The following CDR2 variants were observed in gnomAD, a reference collection of about 807,000 sequenced individuals.
CDR2 encodes cerebellar degeneration-related protein 2.
CDR2 carries 34 observed loss-of-function variants against 48.4 expected under a neutral mutation model. That is an observed-to-expected ratio of 0.70 (90% CI 0.53 to 0.94). The LOEUF (loss-of-function observed/expected upper bound fraction) is 0.94. CDR2 is among the 40% of genes least tolerant of loss of function. The pLI is 0.00. For missense variants in CDR2, 498 were observed against 549.5 expected, an observed-to-expected ratio of 0.91 and a Z score of 0.94; for synonymous variants, 240 against 219.7, an observed-to-expected ratio of 1.09 and a Z score of -0.82.
At chr16:22,353,901 T>C in intron 2 of CDR2, among the ~76,000 whole-genome samples, 1 of 152,132 alleles carries the variant, frequency 6.6e-6, no homozygotes, top group Non-Finnish European at 1.5e-5. Flanking sequence ...TAAGCACTCA[T>C]GAAGGTTGAG....
chr16:22,371,878 G>A (rs1287604798), intron 1 of CDR2, among the ~76,000 whole-genome samples: 2 of 142,164 alleles, frequency 1.4e-5, no homozygotes, highest in African/African-American at 5.4e-5. Context: ...GTGTGTGTGT[G>A]TGTGTGTTTT....
At chr16:22,363,865 T>C (rs945384495) in intron 2 of CDR2, among the ~76,000 whole-genome samples, 2 of 152,220 alleles carry the variant, frequency 1.3e-5, no homozygotes, top group Non-Finnish European at 2.9e-5. Flanking sequence ...ATTAGCAGCA[T>C]AGAGGGCCAT....
intron 2 of CDR2, among the ~76,000 whole-genome samples, chr16:22,354,855 T>C (rs369808767): frequency 1.9e-4 from 29 of 152,072 alleles, no homozygotes; most frequent in East Asian, 7.7e-4. Context: ...GATCACACCA[T>C]TGCACTCCAG....
chr16:22,373,686 C>T (rs992705676), intron 1 of CDR2, among the ~76,000 whole-genome samples: 1 of 152,236 alleles, frequency 6.6e-6, no homozygotes, highest in African/African-American at 2.4e-5. Context: ...TCTCATGTAC[C>T]CCACAAATAT....
At position 22,365,016 on chromosome 16, in the gene CDR2, T is replaced by C. The variant is rs777420830; in HGVS notation, c.80-2A>G. ...CAAGCTCAGCAGCAAGTTGAAGATC[T>C]AGCACAACAAATGAATCTTAGAATA... On this transcript the variant is annotated splice_acceptor_variant, in intron 1 of 4. Transcript: ENST00000268383. LOFTEE classifies it high-confidence loss of function. The C allele has an allele frequency of 1.3e-6, 2 of 1,569,074 alleles. No homozygotes were observed. The highest frequency in any genetic ancestry group is 1.8e-6 in the Non-Finnish European group (2 of 1,139,076).
At position 22,364,970 on chromosome 16, in the gene CDR2, TC is replaced by T; in HGVS notation, c.123del (p.Asn42ThrfsTer25). Reference sequence around the variant, plus strand: ...TGAACAGAGTCCTCCAACTCTGTGTTCCGATCCAGTAATGTCTTCCCAAGCT... The same window carrying T: ...TGAACAGAGTCCTCCAACTCTGTGTTCGATCCAGTAATGTCTTCCCAAGCT... The part of the protein sequence containing the change: ...AAELGKTLLD[R>X]NTELEDSVQQ... On this transcript the variant is annotated frameshift_variant, in exon 2 of 5. Transcript: ENST00000268383. LOFTEE classifies it high-confidence loss of function. 1 of 1,613,810 alleles carries T rather than the reference TC, an allele frequency of 6.2e-7. No individual in the cohort carries two copies. Among genetic ancestry groups the T allele is most frequent in the South Asian group, 1.1e-5 (1 of 91,084 alleles).
At chr16:22,357,940 T>TAAA (rs1160734251) in intron 2 of CDR2, among the ~76,000 whole-genome samples, 1 of 152,238 alleles carries the variant, frequency 6.6e-6, no homozygotes, top group Non-Finnish European at 1.5e-5. Context: ...TCAAGGAGCT[T>TAAA]GTTTTCACAT....
At chr16:22,370,120 T>C (rs1308042857) in intron 1 of CDR2, among the ~76,000 whole-genome samples, 5 of 152,246 alleles carry the variant, frequency 3.3e-5, no homozygotes, top group African/African-American at 1.2e-4. Flanking sequence ...TACTCAGCTC[T>C]ATGCTTTAGG....
chr16:22,371,451 C>T (rs2049075281), intron 1 of CDR2, among the ~76,000 whole-genome samples: 1 of 152,202 alleles, frequency 6.6e-6, no homozygotes, highest in African/African-American at 2.4e-5. Context: ...CCAGGCTTCT[C>T]TAGTGAACAG....
chr16:22,366,981 G>C (rs749065485), intron 1 of CDR2: 1 of 152,306 alleles, frequency 6.6e-6, no homozygotes, highest in South Asian at 2.1e-4. Flanking sequence ...AAGATAAAGC[G>C]GGGGAGAAAA....
chr16:22,369,648 A>G (rs1214547452), intron 1 of CDR2, among the ~76,000 whole-genome samples: 2 of 151,172 alleles, frequency 1.3e-5, no homozygotes, highest in Non-Finnish European at 3.0e-5. Flanking sequence ...GTCACACTGT[A>G]TAACAGGATA....
chr16:22,354,094 A>C (rs964295096), intron 2 of CDR2, among the ~76,000 whole-genome samples: 1 of 152,232 alleles, frequency 6.6e-6, no homozygotes, highest in Non-Finnish European at 1.5e-5. Context: ...ACCTGGAAGA[A>C]GATTTATTAA....
rs1413204685 is a variant in CDR2 at position 22,347,697 on chromosome 16, C to A, written c.633G>T (p.Leu211=). ...TVTMLQAQLS[L]ERQKRVTMEE... is the part of the protein sequence containing the mutation. ...CCATAGTCACCCGCTTCTGCCGCTC[C>A]AGGCTCAGCTGGGCCTGCAACATTG... The change falls in exon 5 of 5, where the codon CTG becomes CTT. Residue 211 remains leucine (L), a synonymous_variant. Coordinates refer to ENST00000268383, the MANE Select transcript of CDR2 (RefSeq NM_001802.2). The A allele has an allele frequency of 6.2e-7, 1 of 1,614,144 alleles. No homozygotes were observed. Among genetic ancestry groups the A allele is most frequent in the Non-Finnish European group, 8.5e-7 (1 of 1,180,036 alleles).
rs1335254345 is a variant in CDR2, at chr16:22,374,302, G to A, written c.8C>T (p.Ala3Val). The A allele has an allele frequency of 5.0e-6, 8 of 1,598,196 alleles. No homozygotes were observed. Among genetic ancestry groups the A allele is most frequent in the Non-Finnish European group, 6.8e-6 (8 of 1,172,890 alleles). ...CTCAAACTCCTCTACCAGGTTTTCC[G>A]CCAGCATCTCGGCTGGGTCTTCTAG... is the stretch of plus-strand genomic sequence containing the variant. ML[A>V]ENLVEEFEMK... The change falls in exon 1 of 5, where the codon GCG (alanine) becomes GTG (valine). Residue 3 changes from alanine (A) to valine (V), a missense_variant. By Grantham distance (64) the Ala-to-Val change is moderately conservative (BLOSUM62 0). Coordinates refer to ENST00000268383, the MANE Select transcript of CDR2 (RefSeq NM_001802.2).
chr16:22,349,383 C>T lies in CDR2; in HGVS notation c.402G>A (p.Glu134=). 1 of 1,614,158 alleles carries T rather than the reference C, an allele frequency of 6.2e-7. No homozygotes were observed. Among genetic ancestry groups the T allele is most frequent in the Non-Finnish European group, 8.5e-7 (1 of 1,180,028 alleles). ...TNIDHLQSQV[E]ELKSSGQGRR... ...TCCCTTGGCCAGATGACTTCAGCTC[C>T]TCCACTTGGCTCTGGAGGTGATCAA... The change falls in exon 4 of 5, where the codon GAG becomes GAA. Residue 134 remains glutamate, a synonymous_variant. Transcript: ENST00000268383.
chr16:22,372,771 T>G (rs535833068), intron 1 of CDR2, among the ~76,000 whole-genome samples: 29 of 152,328 alleles, frequency 1.9e-4, no homozygotes, highest in Middle Eastern at 3.4e-3. Flanking sequence ...TGAATTACTT[T>G]GGTTAAAGTG....
At chr16:22,368,653 T>C (rs1283759741) in intron 1 of CDR2, among the ~76,000 whole-genome samples, 2 of 152,242 alleles carry the variant, frequency 1.3e-5, no homozygotes, top group Non-Finnish European at 2.9e-5. Flanking sequence ...CAGAAACTCT[T>C]AGGTCAACAG....
In CDR2 at chr16:22,347,694, C is replaced by T; in HGVS notation, c.636G>A (p.Glu212=). Residue 212 remains glutamate, a synonymous_variant, in exon 5 of 5, where the codon GAG becomes GAA. Coordinates refer to ENST00000268383, the MANE Select transcript of CDR2 (RefSeq NM_001802.2). ...VTMLQAQLSL[E]RQKRVTMEEE... The stretch of plus-strand genomic sequence containing the variant: ...CCTCCATAGTCACCCGCTTCTGCCG[C>T]TCCAGGCTCAGCTGGGCCTGCAACA... 6.2e-7 allele frequency: 1 copy of T among 1,614,182 alleles called. No individual in the cohort carries two copies. The highest frequency in any genetic ancestry group is 1.1e-5 in the South Asian group (1 of 91,082).
At position 22,347,023 on chromosome 16, in the gene CDR2, G is replaced by C. The variant is rs2048909858; in HGVS notation, c.1307C>G (p.Thr436Ser). 5 of 1,614,002 alleles carry C rather than the reference G, an allele frequency of 3.1e-6. No individual in the cohort carries two copies. In the Admixed American group the frequency reaches 6.7e-5, roughly 22 times the overall value. Residue 436 changes from threonine (T) to serine (S), a missense_variant, in exon 5 of 5, where the codon ACT (threonine) becomes AGT (serine). Transcript: ENST00000268383. Reference protein sequence around the residue: ...FKEIFSCIKKTKQEIDEQRTK... With the variant: ...FKEIFSCIKKSKQEIDEQRTK... ...TCTCTGTTCATCTATTTCCTGCTTA[G>C]TTTTCTTGATGCAACTAAAGATCTC...
Sources: allele counts gnomAD v4.1 joint callset (sites outside exome capture counted in the v4.1 genomes callset), GRCh38; gene constraint gnomAD v4.1.1; transcripts MANE v1.5; gene names NCBI Gene and HGNC (gene_info 2026-07-23, HGNC 2026-07-21).